TRPM1: variants seen among roughly 807,000 people sequenced by gnomAD.
TRPM1 encodes the protein TRPM1-203 APA Isoform, Intron 10.
TRPM1 carries 113 observed loss-of-function variants against 149.4 expected under a neutral mutation model. The ratio of observed to expected loss-of-function variants is 0.76; its 90% confidence interval spans 0.65 to 0.88. TRPM1 has a LOEUF of 0.88. Ranked by LOEUF, TRPM1 falls within the 40% of genes least tolerant of loss-of-function variation. The pLI is 0.00. For missense variants in TRPM1, 1,976 were observed against 2,038.7 expected (o/e 0.97, Z 0.59); for synonymous variants, 741 against 759.5 (o/e 0.98, Z 0.40).
intron 1 of TRPM1, among the ~76,000 whole-genome samples, chr15:31,120,084 C>T (rs1406430222): frequency 6.6e-6 from 1 of 152,126 alleles, no homozygotes; most frequent in East Asian, 1.9e-4. Context: ...AAAAATAAGA[C>T]CCAACTATGT....
chr15:31,072,861 T>C (rs2034595906), intron 3 of TRPM1, among the ~76,000 whole-genome samples: 1 of 152,008 alleles, frequency 6.6e-6, no homozygotes, highest in Non-Finnish European at 1.5e-5. Context: ...TTTAAAAAAC[T>C]TGGGTTATTT....
chr15:31,104,625 G>A (rs1472533574), upstream of TRPM1, among the ~76,000 whole-genome samples: 1 of 109,864 alleles, frequency 9.1e-6, no homozygotes, highest in African/African-American at 3.6e-5. Flanking sequence ...ACGGAGTCTT[G>A]CTCTGTTGCC....
At chr15:31,116,104 G>A (rs1459873523) in intron 1 of TRPM1, among the ~76,000 whole-genome samples, 4 of 152,074 alleles carry the variant, frequency 2.6e-5, no homozygotes, top group African/African-American at 9.7e-5. Flanking sequence ...ATTTTGGCAG[G>A]GACACAAACA....
At chr15:31,068,238 G>A (rs2034437493) in intron 4 of TRPM1, 146 bp from the exon 5 acceptor site, 1 of 758,986 alleles carries the variant, frequency 1.3e-6, no homozygotes, top group Non-Finnish European at 2.3e-6. Context: ...TGAGTCTGTG[G>A]CCAAGTGACT....
At chr15:31,034,175 G>A (rs2033232792) in intron 21 of TRPM1, among the ~76,000 whole-genome samples, 1 of 152,156 alleles carries the variant, frequency 6.6e-6, no homozygotes, top group Non-Finnish European at 1.5e-5. Flanking sequence ...ACTTCTGAAT[G>A]ATATTGGAAA....
chr15:31,088,367 T>A (rs942707318), intron 1 of TRPM1, among the ~76,000 whole-genome samples: 2 of 152,216 alleles, frequency 1.3e-5, no homozygotes, highest in African/African-American at 4.8e-5. Context: ...TTTTTGTTCT[T>A]TCTCCCTTGG....
chr15:31,002,115 C>T lies in TRPM1; in HGVS notation c.4585G>A (p.Asp1529Asn), dbSNP rs1473248781. ...ATTGCTTCAGCGACATGGTGTTCATCTTGCATATCTGCAAACTGCTCTTTA... is the reference window on the plus strand; with the variant it reads ...ATTGCTTCAGCGACATGGTGTTCATTTTGCATATCTGCAAACTGCTCTTTA... ...EHKEQFADMQ[D>N]EHHVAEAIPR... The change falls in exon 28 of 28, where the codon GAT (aspartate) becomes AAT (asparagine). Residue 1529 changes from aspartate to asparagine, a missense_variant. Coordinates refer to ENST00000256552, the MANE Select transcript of TRPM1 (RefSeq NM_001252024.2). The T allele has an allele frequency of 1.2e-6, 2 of 1,614,234 alleles. No homozygotes were observed. The highest frequency in any genetic ancestry group is 3.3e-5 in the Admixed American group (2 of 60,020).
At chr15:31,150,255 T>C (rs770330367) in intron 1 of TRPM1, among the ~76,000 whole-genome samples, 8 of 152,052 alleles carry the variant, frequency 5.3e-5, no homozygotes, top group Admixed American at 1.3e-4. Flanking sequence ...CTGATGTGCA[T>C]TGTGGATCTC....
chr15:31,113,875 G>T (rs747240861), intron 1 of TRPM1, among the ~76,000 whole-genome samples: 2 of 152,202 alleles, frequency 1.3e-5, no homozygotes, highest in Admixed American at 6.5e-5. Flanking sequence ...GAAGGGTACC[G>T]AGCAAATTGA....
intron 1 of TRPM1, among the ~76,000 whole-genome samples, chr15:31,131,565 G>A (rs1171190641): frequency 6.6e-6 from 1 of 152,228 alleles, no homozygotes; most frequent in Non-Finnish European, 1.5e-5. Flanking sequence ...GACATGGACA[G>A]CGATGTGTTC....
chr15:31,089,465 C>T (rs2035156744), intron 1 of TRPM1, among the ~76,000 whole-genome samples: 1 of 152,196 alleles, frequency 6.6e-6, no homozygotes, highest in Non-Finnish European at 1.5e-5. Flanking sequence ...GGCCTGCTGA[C>T]CTTAGTGCTG....
chr15:31,113,527 A>T (rs569556783), intron 1 of TRPM1, among the ~76,000 whole-genome samples: 80 of 152,120 alleles, frequency 5.3e-4, no homozygotes, highest in Non-Finnish European at 9.3e-4. Context: ...ACTGTCAAAA[A>T]ACATTTTTCT....
chr15:31,151,051 A>G lies in TRPM1; in HGVS notation c.54+9855T>C, dbSNP rs116435176. 3.0e-3 allele frequency among the ~76,000 whole-genome samples: 455 copies of G among 152,302 alleles called. 1 individual carries two copies. The highest frequency in any genetic ancestry group is 0.011 in the African/African-American group (437 of 41,562). ...GTAAAAGCGTTTGCATTCAACTGCA[A>G]AAACAGCAACCCATTCGGCCCCCTC... is the stretch of plus-strand genomic sequence containing the variant. On this transcript the variant is annotated intron_variant, in intron 1 of 26. Coordinates refer to the TRPM1 transcript ENST00000542188.
At chr15:31,077,068 T>C in intron 2 of TRPM1, 84 bp from the exon 3 acceptor site, 2 of 876,192 alleles carry the variant, frequency 2.3e-6, no homozygotes, top group Non-Finnish European at 3.8e-6. Flanking sequence ...TATAAAACAA[T>C]ATGTCTGCCC....
chr15:31,103,105 G>T (rs563102556), upstream of TRPM1, among the ~76,000 whole-genome samples: 3 of 152,380 alleles, frequency 2.0e-5, no homozygotes, highest in East Asian at 5.8e-4. Context: ...GCTGGGAGGT[G>T]TGGAGGCTCT....
intron 1 of TRPM1, among the ~76,000 whole-genome samples, chr15:31,117,665 TACACACACACAC>T (rs56686910): frequency 4.5e-4 from 61 of 136,008 alleles, no homozygotes; most frequent in African/African-American, 1.6e-3. Flanking sequence ...AAAAAAAAAA[TACACACACACAC>T]ACACACACAC....
In TRPM1 at chr15:31,028,328, G is replaced by A. The variant is rs374250670; in HGVS notation, c.3293+4C>T. On this transcript the variant is annotated splice_donor_region_variant and intron_variant, in intron 25 of 27. Coordinates refer to ENST00000256552, the MANE Select transcript of TRPM1 (RefSeq NM_001252024.2). ...AGCATGTGGTCATCGGCTGTGACAC[G>A]TACTTGAACACAGCAATCAGCAGGT... is the stretch of plus-strand genomic sequence containing the variant. The A allele has an allele frequency of 5.6e-6, 9 of 1,614,064 alleles. No individual in the cohort carries two copies. In the Admixed American group the frequency reaches 8.3e-5, roughly 15 times the overall value.
intron 1 of TRPM1, among the ~76,000 whole-genome samples, chr15:31,113,318 A>G (rs973792293): frequency 1.3e-5 from 2 of 152,104 alleles, no homozygotes; most frequent in Non-Finnish European, 2.9e-5. Flanking sequence ...GCTGCCTCTG[A>G]GCCCCTGACT....
chr15:31,110,726 G>A (rs1008168231), intron 1 of TRPM1, among the ~76,000 whole-genome samples: 1 of 152,274 alleles, frequency 6.6e-6, no homozygotes, highest in East Asian at 1.9e-4. Context: ...TCCATTGGAG[G>A]GCACAGGCCT....
Sources: gnomAD v4.1 joint callset for allele counts (sites outside exome capture counted in the v4.1 genomes callset) on GRCh38, gnomAD v4.1.1 for gene constraint, MANE v1.5 for transcripts, NCBI Gene and HGNC (gene_info 2026-07-23, HGNC 2026-07-21) for gene names.